Variants in FAM110B observed in about 807,000 individuals in gnomAD.
The protein encoded by FAM110B is protein FAM110B.
FAM110B carries 6 observed loss-of-function variants against 20.4 expected under a neutral mutation model. The observed-to-expected ratio is 0.29, with a 90% confidence interval of 0.16 to 0.58. The LOEUF is 0.58. Among genes scored for constraint, FAM110B ranks in the 20% least tolerant of loss-of-function variants. The pLI, the probability that FAM110B is intolerant of heterozygous loss-of-function variation, is 0.90. For missense variants in FAM110B, 434 were observed against 498.2 expected (o/e 0.87, Z 1.23); for synonymous variants, 226 against 214.1 (o/e 1.06, Z -0.49).
At chr8:58,122,525 C>T (rs1911506) in intron 3 of FAM110B, among the ~76,000 whole-genome samples, 5 of 152,154 alleles carry the variant, frequency 3.3e-5, no homozygotes, top group Non-Finnish European at 5.9e-5. Flanking sequence ...ATTTTACTTT[C>T]TAGGACACTT....
Position 58,135,815 on chromosome 8 carries a change from G to A in FAM110B, c.-324-10092G>A, listed in dbSNP as rs189269240. On this transcript the variant is annotated intron_variant, in intron 3 of 3. Coordinates refer to ENST00000519262, the MANE Select transcript of FAM110B (RefSeq NM_001377989.1). ...CTCCTCTATACAAGGGGATCAGACC[G>A]CCTTTTAAGGAGGCTCGCTGAGATG... Among the ~76,000 whole-genome samples, 182 of 152,186 alleles carry A rather than the reference G, an allele frequency of 1.2e-3. 2 individuals carry two copies. The highest frequency in any genetic ancestry group is 3.7e-3 in the African/African-American group (154 of 41,520).
chr8:58,037,959 A>T (rs1805122791), intron 2 of FAM110B, among the ~76,000 whole-genome samples: 1 of 152,216 alleles, frequency 6.6e-6, no homozygotes, highest in Non-Finnish European at 1.5e-5. Flanking sequence ...TCAGCTGAAC[A>T]GATAGGCATC....
chr8:58,083,103 CATCT>C (rs1477028194), intron 3 of FAM110B, among the ~76,000 whole-genome samples: 1 of 151,978 alleles, frequency 6.6e-6, no homozygotes, highest in Admixed American at 6.6e-5. Flanking sequence ...GTACGTTGCT[CATCT>C]ATCTTTTTGC....
chr8:58,015,574 G>T (rs895808689), intron 1 of FAM110B, among the ~76,000 whole-genome samples: 1 of 151,908 alleles, frequency 6.6e-6, no homozygotes, highest in Non-Finnish European at 1.5e-5. Flanking sequence ...GGCCGGGCAT[G>T]GTGACTCATG....
At position 58,093,777 on chromosome 8, in the gene FAM110B, C is replaced by A. The variant is rs552243610; in HGVS notation, c.-325+18154C>A. On this transcript the variant is annotated intron_variant, in intron 3 of 3. Coordinates refer to ENST00000519262, the MANE Select transcript of FAM110B (RefSeq NM_001377989.1). The stretch of plus-strand genomic sequence containing the variant: ...AAATTTACAGTAGTTTTTTCTAATT[C>A]TGTGAAGAAAATCAATGGTAGCTTG... Among the ~76,000 whole-genome samples the A allele has an allele frequency of 7.9e-5, 12 of 152,108 alleles. 1 individual carries two copies. The South Asian group carries it at 2.5e-3, about 32-fold the overall frequency.
intron 1 of FAM110B, among the ~76,000 whole-genome samples, chr8:58,022,220 G>A (rs141941527): frequency 2.0e-5 from 3 of 152,348 alleles, no homozygotes; most frequent in South Asian, 4.1e-4. Context: ...GAGAAGTTAA[G>A]AAGTCCTACA....
chr8:58,118,344 A>T (rs1807269801), intron 3 of FAM110B, among the ~76,000 whole-genome samples: 1 of 152,204 alleles, frequency 6.6e-6, no homozygotes, highest in Admixed American at 6.5e-5. Flanking sequence ...AGCTCTGCAG[A>T]TTTACTAACC....
chr8:58,033,314 A>C (rs1481858542), intron 2 of FAM110B, among the ~76,000 whole-genome samples: 3 of 152,174 alleles, frequency 2.0e-5, no homozygotes, highest in African/African-American at 7.2e-5. Flanking sequence ...ATGTACACCT[A>C]GGTTGAGTCT....
rs150676251 is a variant in FAM110B at position 58,022,499 on chromosome 8, T to C, written c.-511-9107T>C. On this transcript the variant is annotated intron_variant, in intron 1 of 3. Transcript: ENST00000519262. ...GTACTTACTCCACTGAACTGTATAC[T>C]TAAAAATGGTTAAGATGGTCAATTT... 6.2e-3 allele frequency among the ~76,000 whole-genome samples: 942 copies of C among 152,298 alleles called. 11 individuals carry two copies. The highest frequency in any genetic ancestry group is 0.021 in the African/African-American group (865 of 41,564).
intron 1 of FAM110B, among the ~76,000 whole-genome samples, chr8:58,008,835 T>C (rs1804468667): frequency 6.6e-6 from 1 of 152,216 alleles, no homozygotes; most frequent in African/African-American, 2.4e-5. Flanking sequence ...GACTGTGTTC[T>C]TGCAGCTGAT....
At position 58,070,036 on chromosome 8, in the gene FAM110B, C is replaced by G. The variant is rs17253332; in HGVS notation, c.-413-5499C>G. On this transcript the variant is annotated intron_variant, in intron 2 of 3. Coordinates refer to ENST00000519262, the MANE Select transcript of FAM110B (RefSeq NM_001377989.1). The stretch of plus-strand genomic sequence containing the variant: ...ATTGAATTTTCTCCTGTGCTTTGCT[C>G]CAATGGCTCTGTGCTAGCAAACCAG... Among the ~76,000 whole-genome samples, 865 of 152,266 alleles carry G rather than the reference C, an allele frequency of 5.7e-3. 6 individuals are homozygous for G. The highest frequency in any genetic ancestry group is 7.3e-3 in the Non-Finnish European group (500 of 68,034).
rs780962054 is a variant in FAM110B at position 58,146,362 on chromosome 8, C to T, written c.132C>T (p.Asn44=). The T allele has an allele frequency of 2.5e-6, 4 of 1,614,076 alleles. No individual in the cohort carries two copies. The highest frequency in any genetic ancestry group is 3.4e-6 in the Non-Finnish European group (4 of 1,180,000). ...PDYFRRQAEP[N]PKRLSAVERL... is the part of the protein sequence containing the mutation. ...ACTTCCGCAGGCAGGCCGAGCCCAA[C>T]CCCAAGAGGCTCAGCGCCGTGGAGA... The change falls in exon 4 of 4, where the codon AAC becomes AAT. Residue 44 remains asparagine, a synonymous_variant. Coordinates refer to ENST00000519262, the MANE Select transcript of FAM110B (RefSeq NM_001377989.1).
At chr8:58,126,104 A>G (rs1156351871) in intron 3 of FAM110B, among the ~76,000 whole-genome samples, 1 of 152,194 alleles carries the variant, frequency 6.6e-6, no homozygotes, top group Non-Finnish European at 1.5e-5. Context: ...GAAAACCACT[A>G]AATCTGTTCT....
chr8:58,037,234 T>A (rs920247774), intron 2 of FAM110B, among the ~76,000 whole-genome samples: 2 of 152,096 alleles, frequency 1.3e-5, no homozygotes, highest in Non-Finnish European at 2.9e-5. Flanking sequence ...AAAACAGTAC[T>A]TTTAGTGATT....
intron 3 of FAM110B, among the ~76,000 whole-genome samples, chr8:58,122,562 T>C (rs979333116): frequency 1.2e-4 from 18 of 152,314 alleles, no homozygotes; most frequent in Admixed American, 1.0e-3. Flanking sequence ...AGCCCACCTA[T>C]TGAATCTTTA....
chr8:58,027,243 A>T (rs1364856648), intron 1 of FAM110B, among the ~76,000 whole-genome samples: 1 of 152,196 alleles, frequency 6.6e-6, no homozygotes, highest in Non-Finnish European at 1.5e-5. Flanking sequence ...GGAATAATTT[A>T]GTTTCCTTAT....
At chr8:58,113,796 G>A (rs1354488788) in intron 3 of FAM110B, among the ~76,000 whole-genome samples, 2 of 152,196 alleles carry the variant, frequency 1.3e-5, no homozygotes, top group African/African-American at 4.8e-5. Flanking sequence ...AGTGTTTGCT[G>A]GGCACAGATT....
intron 2 of FAM110B, among the ~76,000 whole-genome samples, chr8:58,060,206 T>C (rs1303758667): frequency 6.6e-6 from 1 of 152,210 alleles, no homozygotes; most frequent in Non-Finnish European, 1.5e-5. Context: ...GCAACCTACC[T>C]ATCTAGATTC....
intron 2 of FAM110B, among the ~76,000 whole-genome samples, chr8:58,045,809 A>G (rs1370099844): frequency 6.6e-6 from 1 of 152,246 alleles, no homozygotes; most frequent in Non-Finnish European, 1.5e-5. Context: ...TAGTTTGCTC[A>G]GGTTGCTATA....
Sources: allele counts gnomAD v4.1 joint callset (sites outside exome capture counted in the v4.1 genomes callset), GRCh38; gene constraint gnomAD v4.1.1; transcripts MANE v1.5; gene names NCBI Gene and HGNC (gene_info 2026-07-23, HGNC 2026-07-21).